The following CAPN2 variants were observed in gnomAD, a reference collection of about 807,000 sequenced individuals.
CAPN2 encodes the protein calpain-2 catalytic subunit.
In CAPN2, 92 loss-of-function variants were observed where a neutral mutation model predicts 102.3. The ratio of observed to expected loss-of-function variants is 0.90; its 90% CI spans 0.76 to 1.07. The LOEUF (loss-of-function observed/expected upper bound fraction) is 1.07. CAPN2 is among the 50% of genes least tolerant of loss of function. CAPN2 has a pLI of 0.00. For missense variants in CAPN2, 800 were observed against 909.4 expected (o/e 0.88, Z 1.55); for synonymous variants, 340 against 355.4 (o/e 0.96, Z 0.49).
chr1:223,751,835 A>G (rs1660908139), intron 7 of CAPN2, among the ~76,000 whole-genome samples, 162 bp from the exon 8 acceptor site: 2 of 152,204 alleles, frequency 1.3e-5, no homozygotes, highest in African/African-American at 4.8e-5. Flanking sequence ...AAAGTGCTGT[A>G]AGAGTATTAA....
At chr1:223,736,082 G>A (rs773214923) in intron 2 of CAPN2, among the ~76,000 whole-genome samples, 6 of 152,088 alleles carry the variant, frequency 3.9e-5, no homozygotes, top group Admixed American at 3.3e-4. Context: ...CAGCCTACTC[G>A]GGACCTTTCA....
upstream of CAPN2, among the ~76,000 whole-genome samples, chr1:223,709,682 T>G (rs1370440244): frequency 7.0e-6 from 1 of 142,552 alleles, no homozygotes; most frequent in Non-Finnish European, 1.5e-5. Context: ...AAGAGTCCAT[T>G]TAACTTGATT....
In CAPN2 at chr1:223,712,899, G is replaced by GCGGGCAGGGCGGGGTGC. The variant is rs766829427; in HGVS notation, c.237+40_237+56dup. On this transcript the variant is annotated intron_variant, in intron 1 of 20. Coordinates refer to ENST00000295006, the MANE Select transcript of CAPN2 (RefSeq NM_001748.5). ...CACGGTAGGAAGCGCGCGGCAGGAC[G>GCGGGCAGGGCGGGGTGC]CGGGCAGGGCGGGGTGCCGGGCAGG... 107 of 1,483,464 alleles carry GCGGGCAGGGCGGGGTGC rather than the reference G, an allele frequency of 7.2e-5. No homozygotes were observed. The Middle Eastern group carries it at 9.6e-4, about 13-fold the overall frequency. 91.9% of individuals were successfully genotyped at this position (1,483,464 alleles called of 1,614,324 possible).
At chr1:223,740,812 C>A (rs184846234) in intron 2 of CAPN2, among the ~76,000 whole-genome samples, 2 of 152,258 alleles carry the variant, frequency 1.3e-5, no homozygotes, top group East Asian at 1.9e-4. Context: ...TGAAGAGAAA[C>A]CTTTACACCT....
rs1660217065 is a variant in CAPN2 at position 223,727,206 on chromosome 1, A to G, written c.307+9375A>G. 6.6e-6 allele frequency among the ~76,000 whole-genome samples: 1 copy of G among 152,230 alleles called. No individual in the cohort carries two copies. Among genetic ancestry groups the G allele is most frequent in the African/African-American group, 2.4e-5 (1 of 41,458 alleles). ...AGCTTGGTCTGTTTATCGTGTATCTAGCTGTCAGCATGCAAAACAAAAGAA... is the reference window on the plus strand; with the variant it reads ...AGCTTGGTCTGTTTATCGTGTATCTGGCTGTCAGCATGCAAAACAAAAGAA... On this transcript the variant is annotated intron_variant, in intron 2 of 20. Transcript: ENST00000295006. The surrounding 1 kb of genome is among the most constrained non-coding windows in gnomAD (Gnocchi z 4.1).
chr1:223,755,714 G>A lies in CAPN2; in HGVS notation c.1305+65G>A. The A allele has an allele frequency of 6.9e-7, 1 of 1,439,700 alleles. No homozygotes were observed. The highest frequency in any genetic ancestry group is 1.4e-5 in the South Asian group (1 of 70,226). 89.2% of individuals were successfully genotyped at this position (1,439,700 alleles called of 1,614,324 possible). On this transcript the variant is annotated intron_variant, in intron 10 of 20. Transcript: ENST00000295006. This position sits in a 1 kb window ranked among gnomAD's most constrained non-coding sequence, Gnocchi z 4.1. ...GTTCATCTCAGCCCCTGCATGGAAA[G>A]CTGACCCCAGAGGCAGAACTGGGGA... is the stretch of plus-strand genomic sequence containing the variant.
chr1:223,771,495 TAAAC>T, intron 18 of CAPN2: 1 of 278,666 alleles, frequency 3.6e-6, no homozygotes, highest in Non-Finnish European at 6.7e-6. Context: ...GATTGAGAGC[TAAAC>T]AAAAAATCAA....
At chr1:223,717,456 A>G (rs1036465714) in intron 1 of CAPN2, among the ~76,000 whole-genome samples, 4 of 152,152 alleles carry the variant, frequency 2.6e-5, no homozygotes, top group African/African-American at 9.7e-5. Flanking sequence ...CGTCTGGCAG[A>G]AAAGGCTGGA....
At chr1:223,761,483 C>A in intron 12 of CAPN2, 98 bp from the exon 13 acceptor site, 1 of 952,442 alleles carries the variant, frequency 1.0e-6, no homozygotes, top group Non-Finnish European at 1.6e-6. Context: ...CACCTACCCC[C>A]TGCTGGATTT....
chr1:223,710,029 C>G (rs573946266), upstream of CAPN2, among the ~76,000 whole-genome samples: 1 of 152,104 alleles, frequency 6.6e-6, no homozygotes, highest in African/African-American at 2.4e-5. Flanking sequence ...AATCCCAACA[C>G]TTTGGGAAGC....
rs1446364654 is a variant in CAPN2, at chr1:223,731,740, C to T, written c.308-12360C>T. Among the ~76,000 whole-genome samples, 8 of 152,208 alleles carry T rather than the reference C, an allele frequency of 5.3e-5. No individual in the cohort carries two copies. Among genetic ancestry groups the T allele is most frequent in the East Asian group, 1.9e-4 (1 of 5,184 alleles). ...GCGAGGACAGAGGTGTGCAGAGGCA[C>T]GGCAAGCTGGGCCCCAGGCGAGAAG... On this transcript the variant is annotated intron_variant, in intron 2 of 20. Transcript: ENST00000295006. The surrounding 1 kb of genome is among the most constrained non-coding windows in gnomAD (Gnocchi z 4.2).
intron 9 of CAPN2, among the ~76,000 whole-genome samples, chr1:223,753,526 G>A (rs1321800149): frequency 1.3e-5 from 2 of 152,246 alleles, no homozygotes; most frequent in African/African-American, 4.8e-5. Flanking sequence ...GGCTTAGTCC[G>A]TCAGCAGTTG....
chr1:223,764,022 C>CG, intron 14 of CAPN2, 128 bp from the exon 15 acceptor site: 1 of 731,574 alleles, frequency 1.4e-6, no homozygotes, highest in Non-Finnish European at 2.5e-6. Flanking sequence ...CAACATGGCT[C>CG]GGGGGCTTGT....
chr1:223,702,640 C>T (rs1489760461), intron 1 of CAPN2, among the ~76,000 whole-genome samples: 4 of 152,066 alleles, frequency 2.6e-5, no homozygotes, highest in African/African-American at 9.7e-5. Flanking sequence ...GAGAGCAAAA[C>T]GGGGAGGATA....
chr1:223,706,909 G>T (rs533753922), intron 1 of CAPN2, among the ~76,000 whole-genome samples: 45 of 151,850 alleles, frequency 3.0e-4, no homozygotes, highest in African/African-American at 2.2e-4. Context: ...GCGAAACCCC[G>T]TCTCTATTAA....
chr1:223,728,183 C>T (rs1660246591), intron 2 of CAPN2, among the ~76,000 whole-genome samples: 1 of 152,138 alleles, frequency 6.6e-6, no homozygotes, highest in Non-Finnish European at 1.5e-5. Context: ...GCATTTTGTT[C>T]TCTCTCATGG....
intron 11 of CAPN2, chr1:223,757,792 C>A: frequency 4.7e-6 from 1 of 214,310 alleles, no homozygotes. Context: ...ACCCAATTCC[C>A]AGGCTGTGTG....
intron 2 of CAPN2, among the ~76,000 whole-genome samples, chr1:223,739,783 G>A (rs73123608): frequency 0.024 from 3,690 of 152,300 alleles, 159 homozygotes; most frequent in African/African-American, 0.084. Context: ...CAACATTCCA[G>A]GAGAGGCCTC....
chr1:223,727,054 C>T lies in CAPN2; in HGVS notation c.307+9223C>T, dbSNP rs541505985. On this transcript the variant is annotated intron_variant, in intron 2 of 20. Coordinates refer to ENST00000295006, the MANE Select transcript of CAPN2 (RefSeq NM_001748.5). The surrounding 1 kb of genome is among the most constrained non-coding windows in gnomAD (Gnocchi z 4.1). ...ACAGCTGCCTGAAAATGTGGCTCTCCGCCTTCTTGGGCTGCCTAGGACCTT... is the reference window on the plus strand; with the variant it reads ...ACAGCTGCCTGAAAATGTGGCTCTCTGCCTTCTTGGGCTGCCTAGGACCTT... Among the ~76,000 whole-genome samples the T allele has an allele frequency of 3.3e-5, 5 of 152,310 alleles. No homozygotes were observed. In the East Asian group the frequency reaches 7.7e-4, roughly 24 times the overall value.
Sources: gnomAD v4.1 joint callset for allele counts (sites outside exome capture counted in the v4.1 genomes callset) on GRCh38, gnomAD v4.1.1 for gene constraint, Gnocchi (gnomAD v3.1) non-coding constraint, MANE v1.5 for transcripts, NCBI Gene and HGNC (gene_info 2026-07-23, HGNC 2026-07-21) for gene names.